The following DIP2C variants were observed in gnomAD, a reference collection of about 807,000 sequenced individuals.
DIP2C encodes disco-interacting protein 2 homolog C.
In DIP2C, 33 loss-of-function variants were observed where a neutral mutation model predicts 192.4. That is an observed-to-expected ratio of 0.17 (90% CI 0.13 to 0.23). The LOEUF (loss-of-function observed/expected upper bound fraction) is 0.23, where lower values mean the gene tolerates loss of function less well. Among genes scored for constraint, DIP2C ranks in the 10% least tolerant of loss-of-function variants. The pLI is 1.00. For synonymous variants in DIP2C, 979 were observed against 864.1 expected, an observed-to-expected ratio of 1.13 and a Z score of -2.33; for missense variants, 1,537 against 2,110.1, an observed-to-expected ratio of 0.73 and a Z score of 5.32.
At chr10:369,667 A>G (rs2132783999) in intron 17 of DIP2C, 34 bp from the exon 18 acceptor site, 5 of 1,614,024 alleles carry the variant, frequency 3.1e-6, no homozygotes, top group African/African-American at 2.7e-5. Flanking sequence ...AATATGCAGG[A>G]GCAGATAAGC....
intron 11 of DIP2C, 74 bp from the exon 12 acceptor site, chr10:390,447 T>C (rs1266399912): frequency 7.1e-7 from 1 of 1,399,288 alleles, no homozygotes; most frequent in South Asian, 1.2e-5. Flanking sequence ...CCCATTTATG[T>C]GGTACCCTTT....
chr10:583,387 C>G (rs1850787500), intron 1 of DIP2C, among the ~76,000 whole-genome samples: 1 of 152,194 alleles, frequency 6.6e-6, no homozygotes, highest in Admixed American at 6.5e-5. Flanking sequence ...CTGTTTGGTA[C>G]CTGCATTAAA....
In DIP2C at chr10:472,524, T is replaced by C. The variant is rs1024624158; in HGVS notation, c.183A>G (p.Glu61=). 6 of 1,613,952 alleles carry C rather than the reference T, an allele frequency of 3.7e-6. No individual in the cohort carries two copies. The highest frequency in any genetic ancestry group is 5.1e-6 in the Non-Finnish European group (6 of 1,180,022). Residue 61 remains glutamate, a synonymous_variant, in exon 3 of 37, where the codon GAA becomes GAG. Transcript: ENST00000280886. ...AGGAAGGAGTGACAGGAGCCCGGCG[T>C]TCTTGCGGCAAAGCTTGGTCCACCC... The part of the protein sequence containing the change: ...PPRVDQALPQ[E]RRAPVTPSSA...
intron 17 of DIP2C, among the ~76,000 whole-genome samples, chr10:381,708 A>G (rs1414096070): frequency 6.6e-6 from 1 of 152,212 alleles, no homozygotes; most frequent in African/African-American, 2.4e-5. Context: ...TCTGCCTGCA[A>G]TAATTTAAAA....
intron 2 of DIP2C, among the ~76,000 whole-genome samples, chr10:479,047 T>G (rs920143152): frequency 2.0e-5 from 3 of 152,204 alleles, no homozygotes; most frequent in Non-Finnish European, 4.4e-5. Context: ...TTAGTGAAAC[T>G]GCCGGGGATT....
chr10:343,099 C>T (rs1045654890), intron 28 of DIP2C, among the ~76,000 whole-genome samples: 1 of 152,030 alleles, frequency 6.6e-6, no homozygotes, highest in Non-Finnish European at 1.5e-5. Context: ...AACATCCTGG[C>T]TAACACAGTG....
At chr10:543,354 C>T (rs759858787) in intron 1 of DIP2C, among the ~76,000 whole-genome samples, 1 of 152,238 alleles carries the variant, frequency 6.6e-6, no homozygotes, top group Non-Finnish European at 1.5e-5. Flanking sequence ...AAATGGGTAA[C>T]CCTGTTAGGA....
chr10:436,033 T>C (rs1038533473), intron 4 of DIP2C, among the ~76,000 whole-genome samples: 3 of 152,216 alleles, frequency 2.0e-5, no homozygotes, highest in South Asian at 2.1e-4. Context: ...GCTCATACTA[T>C]ACTTTCAATA....
In DIP2C at chr10:363,728, T is replaced by C. The variant is rs1009713443; in HGVS notation, c.2478-417A>G. The stretch of plus-strand genomic sequence containing the variant: ...TCAGAACTAGTGATTTTCTGCTAAG[T>C]GTATGTGCCTTATACTGTCAGCACA... On this transcript the variant is annotated intron_variant, in intron 20 of 36. Transcript: ENST00000280886. The surrounding 1 kb of genome is among the most constrained non-coding windows in gnomAD (Gnocchi z 5.4). 6.6e-6 allele frequency among the ~76,000 whole-genome samples: 1 copy of C among 152,234 alleles called. No individual in the cohort carries two copies.
intron 29 of DIP2C, among the ~76,000 whole-genome samples, chr10:337,992 T>C (rs1415744241): frequency 6.6e-6 from 1 of 151,538 alleles, no homozygotes; most frequent in African/African-American, 2.4e-5. Flanking sequence ...TGTAGAGGCC[T>C]AGGAAGCTGT....
At chr10:557,602 AAAC>A (rs1848946733) in intron 1 of DIP2C, among the ~76,000 whole-genome samples, 1 of 140,568 alleles carries the variant, frequency 7.1e-6, no homozygotes, top group East Asian at 2.1e-4. Context: ...ACCAAGTGAA[AAAC>A]AACAATCTGT....
chr10:396,829 G>GC (rs1218346262), intron 10 of DIP2C, among the ~76,000 whole-genome samples: 9 of 64,968 alleles, frequency 1.4e-4, no homozygotes, highest in African/African-American at 2.9e-4. Context: ...AATCCGGTGG[G>GC]GGGGGGGGAA....
intron 1 of DIP2C, among the ~76,000 whole-genome samples, chr10:508,385 C>T (rs1204322670): frequency 2.0e-5 from 3 of 152,186 alleles, no homozygotes; most frequent in Non-Finnish European, 2.9e-5. Flanking sequence ...TGCTCCCCAG[C>T]GTTAATGCCC....
chr10:554,455 A>G (rs956235277), intron 1 of DIP2C, among the ~76,000 whole-genome samples: 1 of 152,234 alleles, frequency 6.6e-6, no homozygotes, highest in Non-Finnish European at 1.5e-5. Context: ...ACCACTTTCT[A>G]TGTGCTGCTT....
chr10:298,166 T>C (rs1031967462), intron 32 of DIP2C, among the ~76,000 whole-genome samples: 5 of 152,294 alleles, frequency 3.3e-5, no homozygotes, highest in Admixed American at 1.3e-4. Flanking sequence ...CACATGACAA[T>C]TGGCCGTCAC....
chr10:596,156 A>AGGTT (rs1328209721), intron 1 of DIP2C, among the ~76,000 whole-genome samples: 29 of 152,302 alleles, frequency 1.9e-4, no homozygotes, highest in Middle Eastern at 3.4e-3. Context: ...GGTCACAGAT[A>AGGTT]ACGTTTTAAA....
In DIP2C at chr10:581,967, G is replaced by C. The variant is rs148135672; in HGVS notation, c.86-95437C>G. 5.8e-4 allele frequency among the ~76,000 whole-genome samples: 89 copies of C among 152,138 alleles called. 2 individuals are homozygous for C. In the East Asian group the frequency reaches 0.016, roughly 28 times the overall value. ...TTGGAATGAAACCGTTCCACCTCAG[G>C]TCAGGCATTGGATCCTCATAAGGAG... On this transcript the variant is annotated intron_variant, in intron 1 of 36. Coordinates refer to ENST00000280886, the MANE Select transcript of DIP2C (RefSeq NM_014974.3).
chr10:279,798 C>T (rs1954717720), intron 36 of DIP2C, among the ~76,000 whole-genome samples: 2 of 152,194 alleles, frequency 1.3e-5, no homozygotes. Flanking sequence ...GTTTGGGGGT[C>T]ACATGGCAGG....
intron 5 of DIP2C, among the ~76,000 whole-genome samples, chr10:420,493 C>T (rs918272987): frequency 1.3e-5 from 2 of 152,228 alleles, no homozygotes; most frequent in African/African-American, 4.8e-5. Flanking sequence ...CGACTTCCTG[C>T]AGAACCAACA....
Sources: gnomAD v4.1 joint callset for allele counts (sites outside exome capture counted in the v4.1 genomes callset) on GRCh38, gnomAD v4.1.1 for gene constraint, Gnocchi (gnomAD v3.1) non-coding constraint, MANE v1.5 for transcripts, NCBI Gene and HGNC (gene_info 2026-07-23, HGNC 2026-07-21) for gene names.